The following EXOC6 variants were observed in gnomAD, a reference collection of about 807,000 sequenced individuals.
EXOC6 encodes the protein SEC15-like 1.
Under a neutral mutation model 112.5 loss-of-function variants are expected in EXOC6, and 60 were observed. The observed-to-expected ratio is 0.53, with a 90% CI of 0.43 to 0.66. The LOEUF is 0.66. EXOC6 is among the 30% of genes least tolerant of loss of function. The pLI is 0.00. For missense variants in EXOC6, 855 were observed against 957.1 expected (o/e 0.89, Z 1.41); for synonymous variants, 295 against 308.0 (o/e 0.96, Z 0.44).
intron 11 of EXOC6, 138 bp downstream of exon 11, chr10:92,934,568 G>A: frequency 1.4e-6 from 1 of 704,376 alleles, no homozygotes; most frequent in Non-Finnish European, 2.1e-6. Context: ...AAGTAGTAAT[G>A]TCAGGCTTTT....
intron 1 of EXOC6, among the ~76,000 whole-genome samples, chr10:92,875,555 A>G (rs1848649129): frequency 6.6e-6 from 1 of 152,212 alleles, no homozygotes; most frequent in South Asian, 2.1e-4. Context: ...ACTGTGTTAC[A>G]TAACAGAATG....
Position 92,896,162 on chromosome 10 carries a change from TATATATATATATATATA to T in EXOC6, c.412+1143_412+1159del, listed in dbSNP as rs1564809925. Among the ~76,000 whole-genome samples, 29 of 26,636 alleles carry T rather than the reference TATATATATATATATATA, an allele frequency of 1.1e-3. 3 individuals carry two copies. Among genetic ancestry groups the T allele is most frequent in the Non-Finnish European group, 1.7e-3 (27 of 15,744 alleles). The allele number at this position is 26,636 out of a possible 152,430, so 17.5% of individuals were successfully genotyped here. On this transcript the variant is annotated intron_variant, in intron 4 of 21. Coordinates refer to ENST00000260762, the MANE Select transcript of EXOC6 (RefSeq NM_019053.6). Reference sequence around the variant, plus strand: ...GTATGTATGTGTATATATATATATATATATATATATATATATATATTTTTTTTTTTTTTTTTTTTTTT... The same window carrying T: ...GTATGTATGTGTATATATATATATATTATTTTTTTTTTTTTTTTTTTTTTT...
At chr10:93,050,413 T>A (rs1208511882) in intron 20 of EXOC6, among the ~76,000 whole-genome samples, 11 of 149,742 alleles carry the variant, frequency 7.3e-5, no homozygotes, top group Non-Finnish European at 1.3e-4. Context: ...TAGCCGGGCG[T>A]GGTGGTATGT....
intron 5 of EXOC6, among the ~76,000 whole-genome samples, chr10:92,909,058 TATG>T (rs1174139576): frequency 6.6e-6 from 1 of 152,190 alleles, no homozygotes; most frequent in African/African-American, 2.4e-5. Flanking sequence ...GGATGGATAT[TATG>T]ATAGGAGACA....
At chr10:92,996,029 A>G (rs549420883) in intron 18 of EXOC6, among the ~76,000 whole-genome samples, 1 of 152,284 alleles carries the variant, frequency 6.6e-6, no homozygotes, top group East Asian at 1.9e-4. Flanking sequence ...TTTTTGTACT[A>G]ATATATTGTA....
At chr10:92,878,909 C>T (rs958915218) in intron 1 of EXOC6, among the ~76,000 whole-genome samples, 1 of 152,114 alleles carries the variant, frequency 6.6e-6, no homozygotes, top group Non-Finnish European at 1.5e-5. Flanking sequence ...CCAAAGAAAT[C>T]AACAAACTGA....
At chr10:92,959,844 A>G (rs374213400) in intron 17 of EXOC6, among the ~76,000 whole-genome samples, 3 of 152,366 alleles carry the variant, frequency 2.0e-5, no homozygotes, top group East Asian at 3.9e-4. Context: ...GCCAAAATTC[A>G]GAACAATGAC....
At chr10:93,041,129 A>G (rs1308257970) in intron 20 of EXOC6, among the ~76,000 whole-genome samples, 2 of 152,132 alleles carry the variant, frequency 1.3e-5, no homozygotes, top group African/African-American at 4.8e-5. Context: ...TGATTGGTAG[A>G]ACCACTTTGC....
At chr10:92,987,976 T>C (rs1448307159) in intron 18 of EXOC6, among the ~76,000 whole-genome samples, 4 of 152,182 alleles carry the variant, frequency 2.6e-5, no homozygotes, top group Admixed American at 2.6e-4. Flanking sequence ...TGAGCTTAAA[T>C]GAAATAGTAT....
chr10:93,055,463 G>C (rs1038889506), intron 20 of EXOC6, among the ~76,000 whole-genome samples: 13 of 152,108 alleles, frequency 8.5e-5, no homozygotes, highest in Non-Finnish European at 1.9e-4. Context: ...GAATCAAAGG[G>C]AATGGCCACT....
intron 19 of EXOC6, among the ~76,000 whole-genome samples, chr10:92,999,577 G>A (rs1000126531): frequency 1.3e-5 from 2 of 152,090 alleles, no homozygotes; most frequent in African/African-American, 4.8e-5. Flanking sequence ...TTTGTTACCT[G>A]CTGTATAGTA....
At chr10:92,848,793 C>G (rs1040015817) in intron 1 of EXOC6, among the ~76,000 whole-genome samples, 159 bp downstream of exon 1, 5 of 151,754 alleles carry the variant, frequency 3.3e-5, no homozygotes, top group African/African-American at 1.2e-4. Flanking sequence ...GAACTCTAGC[C>G]GGTACCCGGG....
At chr10:92,999,749 G>C (rs575008530) in intron 19 of EXOC6, among the ~76,000 whole-genome samples, 1 of 151,096 alleles carries the variant, frequency 6.6e-6, no homozygotes, top group Non-Finnish European at 1.5e-5. Context: ...TGTCTCCCAG[G>C]CTGGAGTGCA....
Position 92,934,290 on chromosome 10 carries a change from T to G in EXOC6, c.1020-20T>G. ...AGGGTTTTTTTTTTTAACACATGCT[T>G]TGGTAATTACTGTTTTTAGGTTCTT... On this transcript the variant is annotated intron_variant, in intron 10 of 21. Coordinates refer to ENST00000260762, the MANE Select transcript of EXOC6 (RefSeq NM_019053.6). The G allele has an allele frequency of 6.4e-7, 1 of 1,568,434 alleles. No homozygotes were observed. The highest frequency in any genetic ancestry group is 2.3e-5 in the East Asian group (1 of 44,204).
chr10:92,975,245 C>G (rs1842471830), intron 18 of EXOC6, among the ~76,000 whole-genome samples: 1 of 151,914 alleles, frequency 6.6e-6, no homozygotes. Context: ...AGGAGCGCCT[C>G]TACCCGGCCG....
intron 20 of EXOC6, among the ~76,000 whole-genome samples, chr10:93,017,112 A>T (rs1844563049): frequency 6.6e-6 from 1 of 152,020 alleles, no homozygotes; most frequent in African/African-American, 2.4e-5. Flanking sequence ...CACTGCACTC[A>T]GCCTAACCAT....
chr10:92,912,397 A>G (rs899008897), intron 6 of EXOC6, among the ~76,000 whole-genome samples: 1 of 152,052 alleles, frequency 6.6e-6, no homozygotes, highest in Non-Finnish European at 1.5e-5. Context: ...AGCTGGGTCC[A>G]GGGGGGTCAC....
At chr10:93,016,899 G>A (rs994756955) in intron 20 of EXOC6, among the ~76,000 whole-genome samples, 4 of 151,314 alleles carry the variant, frequency 2.6e-5, no homozygotes, top group Middle Eastern at 3.4e-3. Context: ...TGCAAACTCC[G>A]CCTCCTGGGT....
chr10:92,942,543 C>T (rs925362394), intron 13 of EXOC6, among the ~76,000 whole-genome samples: 3 of 151,930 alleles, frequency 2.0e-5, no homozygotes, highest in African/African-American at 7.3e-5. Flanking sequence ...AATTGACAGT[C>T]CTGATGAGTC....
Sources: allele counts gnomAD v4.1 joint callset (sites outside exome capture counted in the v4.1 genomes callset), GRCh38; gene constraint gnomAD v4.1.1; transcripts MANE v1.5; gene names NCBI Gene and HGNC (gene_info 2026-07-23, HGNC 2026-07-21).